The following SUMF1 variants were observed in gnomAD, a reference collection of about 807,000 sequenced individuals.
The protein encoded by SUMF1 is sulfatase modifying factor 1, also known as formylglycine-generating enzyme.
SUMF1 carries 48 observed loss-of-function variants against 47.6 expected under a neutral mutation model. The observed-to-expected ratio is 1.01, with a 90% confidence interval of 0.80 to 1.28. SUMF1 has a LOEUF of 1.28. Ranked by LOEUF, SUMF1 falls within the 50% of genes most tolerant of loss-of-function variation. The pLI is 0.00. For missense variants in SUMF1, 571 were observed against 485.4 expected (o/e 1.18, Z -1.66); for synonymous variants, 230 against 192.1 (o/e 1.20, Z -1.63).
chr3:4,220,265 C>A (rs1047534354), intron 8 of SUMF1, among the ~76,000 whole-genome samples: 1 of 152,100 alleles, frequency 6.6e-6, no homozygotes, highest in African/African-American at 2.4e-5. Context: ...GATTTAGCTA[C>A]GGTTCATGCT....
chr3:4,231,956 A>G (rs754866404), intron 8 of SUMF1, among the ~76,000 whole-genome samples: 40 of 152,166 alleles, frequency 2.6e-4, no homozygotes, highest in Non-Finnish European at 4.0e-4. Context: ...TAATTTGTCA[A>G]GTGGCAAAGA....
At chr3:4,236,969 T>C (rs1696423495) in intron 8 of SUMF1, among the ~76,000 whole-genome samples, 1 of 152,176 alleles carries the variant, frequency 6.6e-6, no homozygotes, top group Non-Finnish European at 1.5e-5. Context: ...TTTTCCAGAA[T>C]GTCATATAAT....
chr3:4,066,576 G>A (rs780712779), intron 9 of SUMF1, among the ~76,000 whole-genome samples: 10 of 152,104 alleles, frequency 6.6e-5, no homozygotes, highest in Non-Finnish European at 1.0e-4. Context: ...TCGGTGAGAT[G>A]CCAGACCCAT....
intron 8 of SUMF1, among the ~76,000 whole-genome samples, chr3:4,160,236 C>G (rs1694544292): frequency 6.6e-6 from 1 of 151,866 alleles, no homozygotes; most frequent in Non-Finnish European, 1.5e-5. Context: ...TAGGCATGCT[C>G]TATTCTTTTT....
chr3:4,315,440 A>G (rs1181398578), intron 8 of SUMF1, among the ~76,000 whole-genome samples: 1 of 152,196 alleles, frequency 6.6e-6, no homozygotes, highest in East Asian at 1.9e-4. Flanking sequence ...AGACAAGGAC[A>G]CAAACAGCCC....
At chr3:4,076,080 A>T (rs1208369175) in intron 8 of SUMF1, among the ~76,000 whole-genome samples, 1 of 152,096 alleles carries the variant, frequency 6.6e-6, no homozygotes, top group Non-Finnish European at 1.5e-5. Flanking sequence ...ATGCTACCTG[A>T]CTTTAAACTA....
downstream of SUMF1, among the ~76,000 whole-genome samples, chr3:4,357,045 G>A (rs756801678): frequency 1.3e-5 from 2 of 152,096 alleles, no homozygotes; most frequent in Non-Finnish European, 1.5e-5. Flanking sequence ...CCTTAAAGTC[G>A]ACTGATGGAG....
At chr3:4,376,942 T>A (rs1575150815) in intron 7 of SUMF1, among the ~76,000 whole-genome samples, 1 of 152,184 alleles carries the variant, frequency 6.6e-6, no homozygotes, top group Admixed American at 6.5e-5. Context: ...ACCACAGGCA[T>A]GAACCACCAT....
chr3:4,365,089 T>C (rs1228277008), intron 8 of SUMF1, among the ~76,000 whole-genome samples: 1 of 150,844 alleles, frequency 6.6e-6, no homozygotes, highest in Non-Finnish European at 1.5e-5. Flanking sequence ...GACAGTTTGT[T>C]ATAATTTCTG....
intron 6 of SUMF1, among the ~76,000 whole-genome samples, chr3:4,411,870 C>T (rs1209711377): frequency 6.6e-6 from 1 of 151,736 alleles, no homozygotes; most frequent in Non-Finnish European, 1.5e-5. Flanking sequence ...TCAAGTAATC[C>T]TTGGGGGTTT....
At chr3:4,210,980 C>G (rs960249040) in intron 8 of SUMF1, among the ~76,000 whole-genome samples, 5 of 151,122 alleles carry the variant, frequency 3.3e-5, no homozygotes, top group Non-Finnish European at 7.4e-5. Flanking sequence ...GCTTCCTGTC[C>G]TCAAACATCA....
intron 8 of SUMF1, among the ~76,000 whole-genome samples, chr3:4,146,031 A>C (rs1694186111): frequency 6.6e-6 from 1 of 152,130 alleles, no homozygotes; most frequent in Non-Finnish European, 1.5e-5. Context: ...CTCACTGTGA[A>C]GCCCCATTTA....
chr3:4,400,998 T>C (rs1331067256), intron 7 of SUMF1, among the ~76,000 whole-genome samples: 1 of 123,822 alleles, frequency 8.1e-6, no homozygotes, highest in Non-Finnish European at 1.6e-5. Context: ...TGGTGTGTGA[T>C]GTTCCTCACC....
At chr3:4,149,317 G>A (rs948716555) in intron 8 of SUMF1, among the ~76,000 whole-genome samples, 2 of 152,122 alleles carry the variant, frequency 1.3e-5, no homozygotes, top group Admixed American at 6.5e-5. Flanking sequence ...CCATAATGGA[G>A]TCTTCTTGAG....
In SUMF1 at chr3:4,145,256, A is replaced by T. The variant is rs1005188041; in HGVS notation, c.1015-76511T>A. ...TGCATGTAATACCTGAATCCTTCAGACATCTCCGTTCATTGCTGAGTGCCA... is the reference window on the plus strand; with the variant it reads ...TGCATGTAATACCTGAATCCTTCAGTCATCTCCGTTCATTGCTGAGTGCCA... On this transcript the variant is annotated intron_variant and NMD_transcript_variant, in intron 8 of 12. Coordinates refer to the SUMF1 transcript ENST00000448413. 7.2e-5 allele frequency among the ~76,000 whole-genome samples: 11 copies of T among 151,766 alleles called. 2 individuals are homozygous for T. The highest frequency in any genetic ancestry group is 6.6e-5 in the Admixed American group (1 of 15,242).
intron 8 of SUMF1, among the ~76,000 whole-genome samples, chr3:4,124,782 A>T (rs1693618148): frequency 6.7e-6 from 1 of 149,134 alleles, no homozygotes; most frequent in Non-Finnish European, 1.5e-5. Context: ...TGATTTGAGA[A>T]TACTACCTAT....
intron 3 of SUMF1, among the ~76,000 whole-genome samples, chr3:4,445,538 T>G (rs1702751510): frequency 1.3e-5 from 2 of 152,126 alleles, no homozygotes; most frequent in Non-Finnish European, 2.9e-5. Context: ...GGGGTCTCTC[T>G]CTCTCTCTCT....
intron 8 of SUMF1, among the ~76,000 whole-genome samples, chr3:4,308,875 G>A (rs575010574): frequency 1.3e-5 from 2 of 152,320 alleles, no homozygotes; most frequent in African/African-American, 4.8e-5. Context: ...GATTTATTCT[G>A]AGCCAAATAT....
At chr3:4,208,341 T>C (rs1054818565) in intron 8 of SUMF1, among the ~76,000 whole-genome samples, 5 of 151,926 alleles carry the variant, frequency 3.3e-5, no homozygotes, top group Admixed American at 2.6e-4. Context: ...AACCTACTCA[T>C]AGGACTAATG....
Sources: allele counts gnomAD v4.1 joint callset (sites outside exome capture counted in the v4.1 genomes callset), GRCh38; gene constraint gnomAD v4.1.1; transcripts MANE v1.5; gene names NCBI Gene and HGNC (gene_info 2026-07-23, HGNC 2026-07-21).